Variants in TMC1 observed in about 807,000 individuals in gnomAD.
TMC1 encodes transmembrane channel-like protein 1.
In TMC1, 84 loss-of-function variants were observed where a neutral mutation model predicts 105.8. That is an observed-to-expected ratio of 0.79 (90% CI 0.67 to 0.95). TMC1 has a LOEUF of 0.95. Among genes scored for constraint, TMC1 ranks in the 40% least tolerant of loss-of-function variants. TMC1 has a pLI of 0.00. For synonymous variants in TMC1, 315 were observed against 311.5 expected (o/e 1.01, Z -0.12); for missense variants, 817 against 914.1 (o/e 0.89, Z 1.37).
At chr9:72,725,147 G>C (rs1827092426) in intron 8 of TMC1, among the ~76,000 whole-genome samples, 1 of 151,578 alleles carries the variant, frequency 6.6e-6, no homozygotes, top group South Asian at 2.1e-4. Flanking sequence ...TTATGTATAT[G>C]AGCAAGCAAT....
At chr9:72,751,019 C>T (rs767278633) in intron 10 of TMC1, among the ~76,000 whole-genome samples, 1 of 152,140 alleles carries the variant, frequency 6.6e-6, no homozygotes, top group African/African-American at 2.4e-5. Context: ...CTTTCCTTGA[C>T]AAAACTTTCT....
At chr9:72,555,482 C>T (rs184660063) in intron 1 of TMC1, among the ~76,000 whole-genome samples, 51 of 151,294 alleles carry the variant, frequency 3.4e-4, no homozygotes, top group Admixed American at 2.6e-3. Flanking sequence ...ATACTGCGCC[C>T]GGCCCATACT....
At chr9:72,740,802 A>T (rs935119965) in intron 9 of TMC1, among the ~76,000 whole-genome samples, 1 of 152,200 alleles carries the variant, frequency 6.6e-6, no homozygotes, top group African/African-American at 2.4e-5. Context: ...TGTAAGCTAA[A>T]TGTATTCCCA....
chr9:72,824,538 A>G (rs55947998), intron 20 of TMC1, among the ~76,000 whole-genome samples: 14,632 of 152,274 alleles, frequency 0.096, 756 homozygotes, highest in Non-Finnish European at 0.13. Context: ...AGGGCAGGTC[A>G]TCTTCCCCAA....
At chr9:72,816,112 G>T in intron 18 of TMC1, 31 bp from the exon 19 acceptor site, 2 of 1,605,592 alleles carry the variant, frequency 1.2e-6, no homozygotes, top group Non-Finnish European at 1.7e-6. Flanking sequence ...CATGTGAGAC[G>T]CTAATCCAAT....
At chr9:72,705,923 A>G (rs1188248028) in intron 8 of TMC1, among the ~76,000 whole-genome samples, 1 of 152,210 alleles carries the variant, frequency 6.6e-6, no homozygotes, top group Non-Finnish European at 1.5e-5. Flanking sequence ...TTTATTAATG[A>G]GACACCCAGT....
At chr9:72,634,522 G>A (rs1825501946) in intron 4 of TMC1, among the ~76,000 whole-genome samples, 1 of 152,154 alleles carries the variant, frequency 6.6e-6, no homozygotes, top group Non-Finnish European at 1.5e-5. Context: ...CCACCAAGGA[G>A]GGCATTAGTT....
chr9:72,824,477 GA>G (rs1299865156), intron 20 of TMC1, among the ~76,000 whole-genome samples: 1 of 152,198 alleles, frequency 6.6e-6, no homozygotes, highest in Non-Finnish European at 1.5e-5. Context: ...GAATTTTATT[GA>G]GTAATGAAAT....
intron 7 of TMC1, among the ~76,000 whole-genome samples, chr9:72,700,057 C>A (rs1326043870): frequency 6.6e-6 from 1 of 150,648 alleles, no homozygotes; most frequent in Non-Finnish European, 1.5e-5. Context: ...AGTTCGAGAC[C>A]AGCCTGGCCA....
intron 18 of TMC1, among the ~76,000 whole-genome samples, chr9:72,815,508 G>A (rs981150312): frequency 3.9e-5 from 6 of 151,996 alleles, no homozygotes; most frequent in African/African-American, 1.2e-4. Context: ...TTCATCACCC[G>A]CATATAAAGT....
chr9:72,556,049 C>T (rs1419839768), intron 1 of TMC1, among the ~76,000 whole-genome samples: 1 of 146,628 alleles, frequency 6.8e-6, no homozygotes, highest in Non-Finnish European at 1.5e-5. Context: ...AGAAGCTAGG[C>T]AGGCCTAATC....
At chr9:72,767,675 C>T (rs1449951049) in intron 12 of TMC1, among the ~76,000 whole-genome samples, 3 of 152,170 alleles carry the variant, frequency 2.0e-5, no homozygotes, top group African/African-American at 2.4e-5. Context: ...TCTTAATAGA[C>T]AACACACGAG....
chr9:72,670,406 G>C (rs561991680), intron 5 of TMC1, among the ~76,000 whole-genome samples: 2 of 152,220 alleles, frequency 1.3e-5, no homozygotes, highest in South Asian at 4.1e-4. Flanking sequence ...GGATAAAACT[G>C]TTTCCAGGTA....
chr9:72,757,574 A>G (rs1001335280), intron 12 of TMC1, among the ~76,000 whole-genome samples: 1 of 152,198 alleles, frequency 6.6e-6, no homozygotes, highest in Non-Finnish European at 1.5e-5. Context: ...AAGTCTAAAC[A>G]CAACATTCAT....
chr9:72,595,847 C>T (rs145764539), intron 2 of TMC1, among the ~76,000 whole-genome samples: 5,356 of 139,954 alleles, frequency 0.038, 134 homozygotes, highest in Middle Eastern at 0.1. Context: ...GGCTAATTTT[C>T]GTATTTTTAG....
At chr9:72,797,575 A>G (rs570235970) in intron 17 of TMC1, among the ~76,000 whole-genome samples, 1 of 152,088 alleles carries the variant, frequency 6.6e-6, no homozygotes, top group Non-Finnish European at 1.5e-5. Context: ...CACAACTACA[A>G]CCATCTGATC....
chr9:72,597,458 A>G (rs1277829471), intron 2 of TMC1, among the ~76,000 whole-genome samples: 3 of 152,216 alleles, frequency 2.0e-5, no homozygotes, highest in Admixed American at 1.3e-4. Flanking sequence ...CCATTAGATT[A>G]AGGTTGAAGA....
At chr9:72,751,226 A>G (rs1370816205) in intron 10 of TMC1, among the ~76,000 whole-genome samples, 2 of 152,198 alleles carry the variant, frequency 1.3e-5, no homozygotes, top group Non-Finnish European at 2.9e-5. Flanking sequence ...ACCCGTATCT[A>G]TGACATTGTG....
intron 8 of TMC1, among the ~76,000 whole-genome samples, chr9:72,733,979 A>G (rs1361567147): frequency 6.6e-6 from 1 of 152,196 alleles, no homozygotes; most frequent in African/African-American, 2.4e-5. Context: ...ATTAAGTAGA[A>G]TAAGGGTTAC....
Sources: allele counts gnomAD v4.1 joint callset (sites outside exome capture counted in the v4.1 genomes callset), GRCh38; gene constraint gnomAD v4.1.1; transcripts MANE v1.5; gene names NCBI Gene and HGNC (gene_info 2026-07-23, HGNC 2026-07-21).